Variants in TAFA1 observed in about 807,000 individuals in gnomAD.
TAFA1 encodes the protein chemokine-like protein TAFA-1.
TAFA1 carries 4 observed loss-of-function variants against 18.5 expected under a neutral mutation model. The ratio of observed to expected loss-of-function variants is 0.22; its 90% confidence interval spans 0.11 to 0.49. TAFA1 has a LOEUF of 0.49. Ranked by LOEUF, TAFA1 falls within the 20% of genes least tolerant of loss-of-function variation. The probability of loss-of-function intolerance (pLI) is 0.98; values close to 1 mark genes in which losing one functional copy is unlikely to be tolerated. For missense variants in TAFA1, 147 were observed against 169.0 expected (o/e 0.87, Z 0.72); for synonymous variants, 56 against 55.2 (o/e 1.01, Z -0.06).
chr3:68,066,389 A>T (rs1274275033), intron 2 of TAFA1, among the ~76,000 whole-genome samples: 1 of 152,176 alleles, frequency 6.6e-6, no homozygotes, highest in East Asian at 1.9e-4. Context: ...AATATTTGGG[A>T]AATAAATAAA....
intron 2 of TAFA1, among the ~76,000 whole-genome samples, chr3:68,028,097 C>G (rs965768570): frequency 1.3e-5 from 2 of 152,098 alleles, no homozygotes; most frequent in Non-Finnish European, 2.9e-5. Flanking sequence ...GCCAGGAGTT[C>G]AAGACCAGCC....
intron 3 of TAFA1, among the ~76,000 whole-genome samples, chr3:68,472,165 G>T (rs1414176914): frequency 6.6e-6 from 1 of 152,084 alleles, no homozygotes; most frequent in Non-Finnish European, 1.5e-5. Context: ...TGTCAAGGGT[G>T]GGTTCAAGTA....
chr3:68,039,930 C>T (rs1705129538), intron 2 of TAFA1, among the ~76,000 whole-genome samples: 2 of 152,072 alleles, frequency 1.3e-5, no homozygotes, highest in African/African-American at 4.8e-5. Flanking sequence ...GGGGATGCTC[C>T]CAGGGCTAAT....
Position 68,209,595 on chromosome 3 carries a change from G to A in TAFA1, c.118+202851G>A, listed in dbSNP as rs73095487. Among the ~76,000 whole-genome samples, 1,038 of 152,050 alleles carry A rather than the reference G, an allele frequency of 6.8e-3. 8 individuals carry two copies. The highest frequency in any genetic ancestry group is 0.045 in the Middle Eastern group (13 of 292). ...CATTATTACATTATATGTGTTCTCAGCAGTTTCAGCCTGTGATTTTCTGGC... is the reference window on the plus strand; with the variant it reads ...CATTATTACATTATATGTGTTCTCAACAGTTTCAGCCTGTGATTTTCTGGC... On this transcript the variant is annotated intron_variant, in intron 2 of 4. Coordinates refer to ENST00000478136, the MANE Select transcript of TAFA1 (RefSeq NM_213609.4).
intron 2 of TAFA1, among the ~76,000 whole-genome samples, chr3:68,136,399 C>G (rs1040307256): frequency 1.3e-5 from 2 of 152,184 alleles, no homozygotes; most frequent in African/African-American, 4.8e-5. Context: ...AGTAAAGGTA[C>G]ACCCACAAAA....
chr3:68,025,015 T>C (rs975119526), intron 2 of TAFA1, among the ~76,000 whole-genome samples: 3 of 152,128 alleles, frequency 2.0e-5, no homozygotes, highest in Non-Finnish European at 2.9e-5. Flanking sequence ...CATACTGAAA[T>C]TGGGGATGAC....
At chr3:68,412,651 T>C (rs1216618986) in intron 2 of TAFA1, among the ~76,000 whole-genome samples, 1 of 152,094 alleles carries the variant, frequency 6.6e-6, no homozygotes, top group Non-Finnish European at 1.5e-5. Context: ...CTTGTGATAG[T>C]TTGCTCAGAA....
chr3:68,322,331 G>A (rs916010029), intron 2 of TAFA1, among the ~76,000 whole-genome samples: 3 of 152,102 alleles, frequency 2.0e-5, no homozygotes, highest in Admixed American at 1.3e-4. Context: ...AGATTTGCTG[G>A]GTTTGTGCCC....
At chr3:68,108,775 CTTAAT>C (rs1183183744) in intron 2 of TAFA1, among the ~76,000 whole-genome samples, 2 of 151,914 alleles carry the variant, frequency 1.3e-5, no homozygotes, top group African/African-American at 4.8e-5. Flanking sequence ...TTCTGAGTAG[CTTAAT>C]TTGTCTTTTA....
chr3:68,199,971 G>T (rs773283775), intron 2 of TAFA1, among the ~76,000 whole-genome samples: 2 of 151,556 alleles, frequency 1.3e-5, no homozygotes, highest in Non-Finnish European at 3.0e-5. Context: ...AATGTGAGCT[G>T]TAGGTGTTTT....
intron 2 of TAFA1, among the ~76,000 whole-genome samples, chr3:68,098,678 A>G (rs1297180599): frequency 6.6e-6 from 1 of 152,068 alleles, no homozygotes; most frequent in East Asian, 1.9e-4. Context: ...TACGAATGCT[A>G]TGAGCATATT....
intron 2 of TAFA1, among the ~76,000 whole-genome samples, chr3:68,176,459 G>T (rs2066127701): frequency 6.6e-6 from 1 of 152,172 alleles, no homozygotes; most frequent in Non-Finnish European, 1.5e-5. Flanking sequence ...TCCAGCCTGG[G>T]TGACAGAGTG....
intron 2 of TAFA1, among the ~76,000 whole-genome samples, chr3:68,232,673 A>G (rs963636693): frequency 3.3e-5 from 5 of 151,998 alleles, no homozygotes; most frequent in East Asian, 1.9e-4. Flanking sequence ...TGATACAACC[A>G]TAACTCACTG....
At position 68,325,580 on chromosome 3, in the gene TAFA1, A is replaced by G. The variant is rs1484990680; in HGVS notation, c.119-91700A>G. 2.0e-5 allele frequency among the ~76,000 whole-genome samples: 3 copies of G among 152,162 alleles called. No individual in the cohort carries two copies. The East Asian group carries it at 5.8e-4, about 29-fold the overall frequency. The stretch of plus-strand genomic sequence containing the variant: ...AACTATTATAGTCTATGTTCTGGCT[A>G]TGTTACATAGGCATATCAAATAACT... On this transcript the variant is annotated intron_variant, in intron 2 of 4. Transcript: ENST00000478136.
intron 2 of TAFA1, among the ~76,000 whole-genome samples, chr3:68,154,007 T>C (rs1291475631): frequency 6.6e-6 from 1 of 152,114 alleles, no homozygotes; most frequent in East Asian, 1.9e-4. Context: ...TTAGTAAGAG[T>C]AATTAATGCT....
chr3:68,132,868 T>C (rs1254955750), intron 2 of TAFA1, among the ~76,000 whole-genome samples: 1 of 152,082 alleles, frequency 6.6e-6, no homozygotes, highest in African/African-American at 2.4e-5. Flanking sequence ...TGTGCAAAGC[T>C]CTTTAGTTTA....
intron 2 of TAFA1, among the ~76,000 whole-genome samples, chr3:68,358,101 T>C (rs1024962726): frequency 1.3e-5 from 2 of 151,926 alleles, no homozygotes. Flanking sequence ...ATTCTTATTA[T>C]AGCAATAAAG....
chr3:67,995,934 G>A, the TAFA1 span, among the ~76,000 whole-genome samples: 1 of 152,156 alleles, frequency 6.6e-6, no homozygotes, highest in Admixed American at 6.5e-5. Context: ...AAGTGACTGT[G>A]TATTCATTCA....
chr3:68,271,040 G>A (rs1412000171), intron 2 of TAFA1, among the ~76,000 whole-genome samples: 2 of 152,066 alleles, frequency 1.3e-5, no homozygotes, highest in Non-Finnish European at 2.9e-5. Context: ...AAAATTTATT[G>A]GGTTAACTAA....
Sources: gnomAD v4.1 joint callset for allele counts (sites outside exome capture counted in the v4.1 genomes callset) on GRCh38, gnomAD v4.1.1 for gene constraint, MANE v1.5 for transcripts, NCBI Gene and HGNC (gene_info 2026-07-23, HGNC 2026-07-21) for gene names.